SKIC2: variants seen among roughly 807,000 people sequenced by gnomAD.
The protein encoded by SKIC2 is superkiller complex protein 2.
the SKIC2 span, chr6:31,959,939 C>A: frequency 2.7e-6 from 3 of 1,097,732 alleles, no homozygotes; most frequent in South Asian, 1.3e-5. Flanking sequence ...GAACACAAGT[C>A]CCATCATCTC....
chr6:31,961,917 T>A, the SKIC2 span: 1 of 1,613,106 alleles, frequency 6.2e-7, no homozygotes. Flanking sequence ...AGTGGGCATT[T>A]GAGCCAGATG....
At chr6:31,962,030 C>T in the SKIC2 span, 24 of 1,612,908 alleles carry the variant, frequency 1.5e-5, no homozygotes, top group African/African-American at 2.8e-4. This position sits in a 1 kb window ranked among gnomAD's most constrained non-coding sequence, Gnocchi z 5.0. Context: ...TATGCCATTG[C>T]CCTGGCCCAG....
At chr6:31,961,513 G>T in the SKIC2 span, 1 of 1,568,372 alleles carries the variant, frequency 6.4e-7, no homozygotes, top group Non-Finnish European at 8.7e-7. Context: ...CCCTCTGGTT[G>T]TATCTTTATC....
the SKIC2 span, chr6:31,963,468 C>G: frequency 1.2e-6 from 2 of 1,612,010 alleles, no homozygotes; most frequent in Non-Finnish European, 1.7e-6. The surrounding 1 kb of genome is among the most constrained non-coding windows in gnomAD (Gnocchi z 5.3). Flanking sequence ...CCCCGTGCCC[C>G]TGGAGCACTA....
At chr6:31,961,184 C>T in the SKIC2 span, 2 of 1,613,740 alleles carry the variant, frequency 1.2e-6, no homozygotes, top group South Asian at 1.1e-5. Flanking sequence ...ACCTTGTTGG[C>T]TTGCTCCTCA....
the SKIC2 span, chr6:31,966,989 C>T: frequency 6.2e-7 from 1 of 1,612,988 alleles, no homozygotes; most frequent in Non-Finnish European, 8.5e-7. The surrounding 1 kb of genome is among the most constrained non-coding windows in gnomAD (Gnocchi z 5.9). Flanking sequence ...ACAGCTTCCC[C>T]TGCTCCCACC....
the SKIC2 span, chr6:31,967,330 G>A: frequency 2.5e-6 from 4 of 1,612,940 alleles, no homozygotes; most frequent in African/African-American, 5.3e-5. The surrounding 1 kb of genome is among the most constrained non-coding windows in gnomAD (Gnocchi z 4.9). Context: ...AAGGGTGGTG[G>A]TTGTGAAGAA....
chr6:31,962,852 G>T, the SKIC2 span: 2 of 1,400,296 alleles, frequency 1.4e-6, no homozygotes, highest in South Asian at 1.2e-5. This position sits in a 1 kb window ranked among gnomAD's most constrained non-coding sequence, Gnocchi z 5.0. Flanking sequence ...GGGACCAGTT[G>T]AGCGTCTCCC....
the SKIC2 span, chr6:31,967,003 G>C: frequency 1.2e-6 from 2 of 1,612,972 alleles, no homozygotes; most frequent in South Asian, 1.1e-5. The surrounding 1 kb of genome is among the most constrained non-coding windows in gnomAD (Gnocchi z 4.9). Flanking sequence ...TCCCACCCAA[G>C]GCCCATGAAC....
the SKIC2 span, chr6:31,963,859 TC>T: frequency 1.3e-6 from 2 of 1,520,836 alleles, no homozygotes; most frequent in Non-Finnish European, 1.8e-6. This position sits in a 1 kb window ranked among gnomAD's most constrained non-coding sequence, Gnocchi z 5.3. Context: ...AGCTCACCTC[TC>T]ATTGGTTCAG....
chr6:31,960,766 C>G, the SKIC2 span: 1 of 1,508,062 alleles, frequency 6.6e-7, no homozygotes, highest in Non-Finnish European at 8.9e-7. Context: ...GAGTCTGAGC[C>G]TTGAGGAGGA....
the SKIC2 span, chr6:31,963,718 G>C: frequency 6.5e-7 from 1 of 1,546,332 alleles, no homozygotes; most frequent in East Asian, 2.3e-5. The surrounding 1 kb of genome is among the most constrained non-coding windows in gnomAD (Gnocchi z 5.3). Context: ...CCACACATCA[G>C]GGGGGCCCTG....
At chr6:31,960,704 C>T in the SKIC2 span, 10 of 1,580,480 alleles carry the variant, frequency 6.3e-6, no homozygotes, top group South Asian at 5.8e-5. Context: ...TCTGAACACA[C>T]GGGAGGAGGC....
At chr6:31,961,310 GA>G in the SKIC2 span, 1 of 1,599,852 alleles carries the variant, frequency 6.3e-7, no homozygotes, top group Non-Finnish European at 8.5e-7. Flanking sequence ...GGAGGTCCCA[GA>G]GGGGACACTG....
the SKIC2 span, chr6:31,961,980 C>T: frequency 2.9e-5 from 47 of 1,612,706 alleles, no homozygotes; most frequent in Non-Finnish European, 3.6e-5. Context: ...CTGTCTTTGT[C>T]GCAGCTCACA....
At chr6:31,965,914 A>G in the SKIC2 span, 1 of 1,613,070 alleles carries the variant, frequency 6.2e-7, no homozygotes, top group South Asian at 1.1e-5. The surrounding 1 kb of genome is among the most constrained non-coding windows in gnomAD (Gnocchi z 5.6). Flanking sequence ...TGCAGATGGC[A>G]GGCCGGGCAG....
the SKIC2 span, chr6:31,967,680 C>T: frequency 1.9e-6 from 3 of 1,609,768 alleles, no homozygotes; most frequent in Non-Finnish European, 1.7e-6. This position sits in a 1 kb window ranked among gnomAD's most constrained non-coding sequence, Gnocchi z 4.9. Flanking sequence ...CTACTCATCA[C>T]ACCCCCCTCT....
At chr6:31,968,215 C>A in the SKIC2 span, 1 of 1,448,646 alleles carries the variant, frequency 6.9e-7, no homozygotes, top group Non-Finnish European at 9.6e-7. The surrounding 1 kb of genome is among the most constrained non-coding windows in gnomAD (Gnocchi z 6.1). Flanking sequence ...GCTCCCCCAG[C>A]CTAAGGGAGA....
At chr6:31,962,674 C>T in the SKIC2 span, 145 of 1,603,602 alleles carry the variant, frequency 9.0e-5, 2 homozygotes, top group Middle Eastern at 2.2e-3. This position sits in a 1 kb window ranked among gnomAD's most constrained non-coding sequence, Gnocchi z 5.0. Flanking sequence ...GGGGTGGAGA[C>T]GAGCCACTGG....
Sources: allele counts gnomAD v4.1 joint callset, GRCh38; gene constraint gnomAD v4.1.1; non-coding constraint Gnocchi (gnomAD v3.1); transcripts MANE v1.5; gene names NCBI Gene and HGNC (gene_info 2026-07-23, HGNC 2026-07-21).